PTPRF: variants seen among roughly 807,000 people sequenced by gnomAD.
PTPRF encodes receptor-type tyrosine-protein phosphatase F.
A neutral mutation model predicts 201.8 loss-of-function variants in PTPRF; 59 were observed. That is an observed-to-expected ratio of 0.29 (90% confidence interval 0.24 to 0.36). PTPRF has a LOEUF of 0.36. Ranked by LOEUF, PTPRF falls within the 10% of genes least tolerant of loss-of-function variation. The pLI, the probability that PTPRF is intolerant of heterozygous loss-of-function variation, is 1.00. For synonymous variants in PTPRF, 1,088 were observed against 1,089.7 expected (o/e 1.00, Z 0.03); for missense variants, 2,132 against 2,690.5 (o/e 0.79, Z 4.59).
chr1:43,546,041 C>T lies in PTPRF; in HGVS notation c.91+875C>T, dbSNP rs1163722956. On this transcript the variant is annotated intron_variant, in intron 3 of 33. Transcript: ENST00000359947. The surrounding 1 kb of genome is among the most constrained non-coding windows in gnomAD (Gnocchi z 4.2). ...AGCCAAGGTCCCTGGGGGAAGGGGC[C>T]GTTCCCAGCCTGTCCAGAGCCCAGG... Among the ~76,000 whole-genome samples, 1 of 152,120 alleles carries T rather than the reference C, an allele frequency of 6.6e-6. No individual in the cohort carries two copies. The highest frequency in any genetic ancestry group is 1.9e-4 in the East Asian group (1 of 5,180).
At chr1:43,572,412 C>T (rs10890256) in intron 6 of PTPRF, among the ~76,000 whole-genome samples, 37,974 of 152,152 alleles carry the variant, frequency 0.25, 5,585 homozygotes, top group East Asian at 0.33. Flanking sequence ...AAGTTGTGAC[C>T]TCAGGGTCGT....
At chr1:43,619,975 GC>G in intron 29 of PTPRF, 117 bp downstream of exon 29, 3 of 1,563,198 alleles carry the variant, frequency 1.9e-6, no homozygotes. Flanking sequence ...GCTGGGTAGA[GC>G]AGTGAGGACT....
chr1:43,591,339 G>A lies in PTPRF; in HGVS notation c.1317G>A (p.Glu439=), dbSNP rs1450583445. 8 of 1,552,268 alleles carry A rather than the reference G, an allele frequency of 5.2e-6. No individual in the cohort carries two copies. The South Asian group carries it at 8.2e-5, about 16-fold the overall frequency. ...TMLVQWEPPE[E]PNGLVRGYRV... ...TGGTGCAGTGGGAGCCTCCCGAGGA[G>A]CCCAACGGCCTGGTGCGGGGATACC... Residue 439 remains glutamate (E), a synonymous_variant, in exon 9 of 34, where the codon GAG becomes GAA. Transcript: ENST00000359947.
At chr1:43,611,828 G>A (rs938326456) in intron 22 of PTPRF, among the ~76,000 whole-genome samples, 10 of 152,278 alleles carry the variant, frequency 6.6e-5, no homozygotes, top group East Asian at 3.9e-4. Flanking sequence ...GCAGTTGCTG[G>A]CTGAATGAGC....
At chr1:43,572,511 C>A (rs1293462191) in intron 6 of PTPRF, among the ~76,000 whole-genome samples, 1 of 152,178 alleles carries the variant, frequency 6.6e-6, no homozygotes, top group Non-Finnish European at 1.5e-5. Context: ...TGGGCTCTCT[C>A]CCCTCCCTGC....
chr1:43,553,366 C>T lies in PTPRF; in HGVS notation c.92-126C>T. 1 of 1,093,062 alleles carries T rather than the reference C, an allele frequency of 9.1e-7. No homozygotes were observed. Among genetic ancestry groups the T allele is most frequent in the Non-Finnish European group, 1.3e-6 (1 of 748,094 alleles). 67.7% of individuals were successfully genotyped at this position (1,093,062 alleles called of 1,614,324 possible). A position where few individuals can be genotyped will look rare whatever the true frequency, so the allele number is the denominator to read the frequency against. Reference sequence around the variant, plus strand: ...AGTGCCTGGCACATACTAAGCGCTACATAAAGGTGAGGTGTCCTTGTTTTC... The same window carrying T: ...AGTGCCTGGCACATACTAAGCGCTATATAAAGGTGAGGTGTCCTTGTTTTC... On this transcript the variant is annotated intron_variant, in intron 3 of 33. Transcript: ENST00000359947. The surrounding 1 kb of genome is among the most constrained non-coding windows in gnomAD (Gnocchi z 4.1).
intron 7 of PTPRF, 139 bp downstream of exon 7, chr1:43,579,059 C>T (rs771613150): frequency 8.6e-6 from 7 of 816,694 alleles, no homozygotes; most frequent in Non-Finnish European, 1.5e-5. Context: ...CTTCTTTCTG[C>T]AGCAGCAGCA....
At chr1:43,541,454 G>A (rs1472004354) in intron 2 of PTPRF, among the ~76,000 whole-genome samples, 1 of 152,182 alleles carries the variant, frequency 6.6e-6, no homozygotes, top group Non-Finnish European at 1.5e-5. Context: ...ACGTTCATAT[G>A]CGAATGCTGT....
chr1:43,531,493 G>A (rs996622388), intron 1 of PTPRF, among the ~76,000 whole-genome samples: 2 of 145,556 alleles, frequency 1.4e-5, no homozygotes, highest in Non-Finnish European at 1.5e-5. Context: ...CGCGCTCCGG[G>A]GGCGGCCCTC....
chr1:43,529,462 T>C (rs1643269528), upstream of PTPRF, among the ~76,000 whole-genome samples: 1 of 152,180 alleles, frequency 6.6e-6, no homozygotes, highest in South Asian at 2.1e-4. Flanking sequence ...ACCTCAACGA[T>C]CTCCAAATTT....
At chr1:43,531,864 C>G (rs143612036) in intron 1 of PTPRF, among the ~76,000 whole-genome samples, 2 of 152,344 alleles carry the variant, frequency 1.3e-5, no homozygotes, top group Non-Finnish European at 2.9e-5. Context: ...TCCCCATCGC[C>G]GTGCCGGCGT....
intron 22 of PTPRF, among the ~76,000 whole-genome samples, chr1:43,611,123 T>G (rs1335099188): frequency 2.0e-5 from 3 of 152,252 alleles, no homozygotes; most frequent in Non-Finnish European, 2.9e-5. Context: ...GGCTGTCAGC[T>G]GGGACACCCA....
Position 43,605,296 on chromosome 1 carries a change from G to A in PTPRF, c.3242G>A (p.Gly1081Asp), listed in dbSNP as rs1004871676. ...TACTCGTTTGTGCTGATGAACCGTG[G>A]CAGCAGCGCAGGGGGCCTGCAGCAC... ...TEYSFVLMNR[G>D]SSAGGLQHLV... The change falls in exon 18 of 34, where the codon GGC becomes GAC. Residue 1081 changes from glycine (G) to aspartate (D), a missense_variant. Transcript: ENST00000359947. The A allele has an allele frequency of 2.5e-6, 4 of 1,613,276 alleles. No homozygotes were observed. Among genetic ancestry groups the A allele is most frequent in the Non-Finnish European group, 3.4e-6 (4 of 1,179,552 alleles).
chr1:43,557,979 C>T (rs1036553440), intron 5 of PTPRF, among the ~76,000 whole-genome samples: 2 of 152,168 alleles, frequency 1.3e-5, no homozygotes, highest in African/African-American at 4.8e-5. Context: ...TGCCCCGCCT[C>T]ACCCCACCCC....
intron 5 of PTPRF, among the ~76,000 whole-genome samples, chr1:43,562,103 G>A (rs1031839738): frequency 5.9e-5 from 9 of 152,040 alleles, no homozygotes; most frequent in African/African-American, 2.2e-4. Flanking sequence ...GCTTGCTGGG[G>A]AGAGAGGACT....
At chr1:43,533,977 C>T (rs1007636224) in intron 1 of PTPRF, among the ~76,000 whole-genome samples, 2 of 152,128 alleles carry the variant, frequency 1.3e-5, no homozygotes, top group Non-Finnish European at 1.5e-5. Context: ...AAAGCAGCTG[C>T]GGTTCTGAGT....
At chr1:43,547,160 C>T (rs1274966009) in intron 3 of PTPRF, among the ~76,000 whole-genome samples, 3 of 152,164 alleles carry the variant, frequency 2.0e-5, no homozygotes, top group African/African-American at 4.8e-5. Context: ...TTCTATCAAC[C>T]TCATCCCTCG....
intron 6 of PTPRF, among the ~76,000 whole-genome samples, chr1:43,576,970 G>A (rs1646969921): frequency 6.6e-6 from 1 of 152,172 alleles, no homozygotes; most frequent in African/African-American, 2.4e-5. Flanking sequence ...TACTCAGCCT[G>A]TGGTGACTCT....
At chr1:43,567,750 C>T (rs781206997) in intron 5 of PTPRF, among the ~76,000 whole-genome samples, 2 of 152,208 alleles carry the variant, frequency 1.3e-5, no homozygotes, top group Non-Finnish European at 2.9e-5. Context: ...CAGCCTTTAC[C>T]TTCTTCATGT....
Sources: gnomAD v4.1 joint callset for allele counts (sites outside exome capture counted in the v4.1 genomes callset) on GRCh38, gnomAD v4.1.1 for gene constraint, Gnocchi (gnomAD v3.1) non-coding constraint, MANE v1.5 for transcripts, NCBI Gene and HGNC (gene_info 2026-07-23, HGNC 2026-07-21) for gene names.